The following PM20D2 variants were observed in gnomAD, a reference collection of about 807,000 sequenced individuals.
The protein encoded by PM20D2 is peptidase M20 domain containing 2.
A neutral mutation model predicts 42.9 loss-of-function variants in PM20D2; 33 were observed. That is an observed-to-expected ratio of 0.77 (90% CI 0.58 to 1.03). The LOEUF is 1.03. Ranked by LOEUF, PM20D2 falls within the 50% of genes least tolerant of loss-of-function variation. The pLI is 0.00. For missense variants in PM20D2, 548 were observed against 557.0 expected (o/e 0.98, Z 0.16); for synonymous variants, 250 against 228.2 (o/e 1.10, Z -0.86).
chr6:89,098,939 T>C, the PM20D2 span: 2 of 1,611,786 alleles, frequency 1.2e-6, no homozygotes, highest in Non-Finnish European at 8.5e-7. Context: ...AAATCGCCTG[T>C]GTCGAGACCT....
chr6:89,117,723 C>G, the PM20D2 span: 2 of 1,210,456 alleles, frequency 1.7e-6, no homozygotes, highest in East Asian at 6.5e-5. Context: ...AGGCTCCGCG[C>G]AGCTCCCCCG....
chr6:89,122,909 T>C, the PM20D2 span, among the ~76,000 whole-genome samples: 10 of 152,354 alleles, frequency 6.6e-5, no homozygotes, highest in Non-Finnish European at 1.3e-4. Context: ...CTATTACCTA[T>C]GTACTTTGGT....
chr6:89,105,490 G>T, the PM20D2 span: 1 of 1,609,838 alleles, frequency 6.2e-7, no homozygotes, highest in South Asian at 1.1e-5. Flanking sequence ...TTTCTATTGA[G>T]GTTATAAAGA....
At chr6:89,110,798 A>G in the PM20D2 span, among the ~76,000 whole-genome samples, 1 of 152,118 alleles carries the variant, frequency 6.6e-6, no homozygotes, top group Non-Finnish European at 1.5e-5. Context: ...CAACCAACTT[A>G]CATTTCCAAA....
At chr6:89,143,531 C>G (rs971036522), upstream of PM20D2, among the ~76,000 whole-genome samples, 2 of 152,082 alleles carry the variant, frequency 1.3e-5, no homozygotes, top group East Asian at 1.9e-4. Context: ...ACTCCTCTCA[C>G]CCCCCCAAAA....
At chr6:89,122,009 T>C in the PM20D2 span, among the ~76,000 whole-genome samples, 1 of 152,214 alleles carries the variant, frequency 6.6e-6, no homozygotes, top group African/African-American at 2.4e-5. Context: ...ATTCAGAATC[T>C]CTTTTCAGTT....
At chr6:89,117,710 G>A in the PM20D2 span, 5 of 1,085,112 alleles carry the variant, frequency 4.6e-6, no homozygotes, top group African/African-American at 8.5e-5. Context: ...TGGGCCCGCG[G>A]GGAGGCTCCG....
At position 89,162,732 on chromosome 6, in the gene PM20D2, AT is replaced by A. The variant is rs1261668416; in HGVS notation, c.*471del. The A allele has an allele frequency of 6.6e-6, 1 of 152,636 alleles. No individual in the cohort carries two copies. Among genetic ancestry groups the A allele is most frequent in the Non-Finnish European group, 1.5e-5 (1 of 68,440 alleles). 9.5% of individuals were successfully genotyped at this position (152,636 alleles called of 1,614,324 possible). ...AAACTTGTTCTCTAATCGTATATTA[AT>A]TCCTCTACCAGATTGTATATTTGAA... On this transcript the variant is annotated 3_prime_UTR_variant, in exon 7 of 7. Coordinates refer to ENST00000275072, the MANE Select transcript of PM20D2 (RefSeq NM_001010853.3).
the PM20D2 span, chr6:89,117,899 C>A: frequency 6.4e-7 from 1 of 1,559,988 alleles, no homozygotes; most frequent in East Asian, 2.7e-5. Context: ...ACCGCTTCCT[C>A]CGTTCCCTCC....
At chr6:89,115,623 TTTTC>T in the PM20D2 span, among the ~76,000 whole-genome samples, 267 of 147,596 alleles carry the variant, frequency 1.8e-3, 1 homozygote, top group South Asian at 5.4e-3. Flanking sequence ...GGGTTTTCTT[TTTTC>T]TTTCTTTTTT....
chr6:89,148,585 G>A, intron 1 of PM20D2: 2 of 977,416 alleles, frequency 2.0e-6, no homozygotes, highest in Non-Finnish European at 2.4e-6. Context: ...GTAAGTTTGT[G>A]TAATAGTTGG....
the PM20D2 span, among the ~76,000 whole-genome samples, chr6:89,101,524 C>G: frequency 1.3e-5 from 2 of 152,030 alleles, no homozygotes; most frequent in East Asian, 3.9e-4. Context: ...GAGTTCCAGA[C>G]CAGCCTGGCC....
chr6:89,123,858 T>C, the PM20D2 span, among the ~76,000 whole-genome samples: 1 of 151,000 alleles, frequency 6.6e-6, no homozygotes, highest in Non-Finnish European at 1.5e-5. Context: ...CAACATATGA[T>C]AACTCATCTC....
chr6:89,140,804 A>G, the PM20D2 span, among the ~76,000 whole-genome samples: 2 of 152,310 alleles, frequency 1.3e-5, no homozygotes, highest in South Asian at 4.1e-4. Flanking sequence ...GCCTCAGGTC[A>G]TCAGGTACCA....
chr6:89,120,345 T>C, the PM20D2 span, among the ~76,000 whole-genome samples: 1 of 152,176 alleles, frequency 6.6e-6, no homozygotes, highest in African/African-American at 2.4e-5. Flanking sequence ...CTCACTTACA[T>C]CTGCAAAGAT....
Position 89,149,288 on chromosome 6 carries a change from A to G in PM20D2, c.489A>G (p.Ala163=). ...AGGTAGTTGTCCTGGGAACCCCTGCAGAAGAAGATGGTGGTGGCAAAATTG... is the reference window on the plus strand; with the variant it reads ...AGGTAGTTGTCCTGGGAACCCCTGCGGAAGAAGATGGTGGTGGCAAAATTG... The part of the protein sequence containing the change: ...PVKVVVLGTP[A]EEDGGGKIDL... The change falls in exon 2 of 7, where the codon GCA becomes GCG. Residue 163 remains alanine (A), a synonymous_variant. Coordinates refer to ENST00000275072, the MANE Select transcript of PM20D2 (RefSeq NM_001010853.3). 1 of 1,614,022 alleles carries G rather than the reference A, an allele frequency of 6.2e-7. No homozygotes were observed. The highest frequency in any genetic ancestry group is 8.5e-7 in the Non-Finnish European group (1 of 1,179,956).
chr6:89,159,847 A>G (rs1771174504), intron 5 of PM20D2, among the ~76,000 whole-genome samples: 1 of 152,142 alleles, frequency 6.6e-6, no homozygotes, highest in Admixed American at 6.5e-5. Flanking sequence ...ACAGCAAGAA[A>G]GCTCAGCTCA....
chr6:89,127,331 CTTTT>C, the PM20D2 span, among the ~76,000 whole-genome samples: 2 of 137,144 alleles, frequency 1.5e-5, no homozygotes, highest in African/African-American at 2.8e-5. Context: ...CTGTGAAATG[CTTTT>C]TTTTTTTTTT....
intron 3 of PM20D2, among the ~76,000 whole-genome samples, chr6:89,153,567 T>G (rs969252222): frequency 6.6e-6 from 1 of 152,192 alleles, no homozygotes; most frequent in Non-Finnish European, 1.5e-5. Flanking sequence ...CTAGTTTTAT[T>G]TAAGTGCTGT....
Sources: gnomAD v4.1 joint callset for allele counts (sites outside exome capture counted in the v4.1 genomes callset) on GRCh38, gnomAD v4.1.1 for gene constraint, MANE v1.5 for transcripts, NCBI Gene and HGNC (gene_info 2026-07-23, HGNC 2026-07-21) for gene names.